Variants in FBRSL1 observed in about 807,000 individuals in gnomAD.
FBRSL1 encodes the protein fibrosin-1-like protein.
In FBRSL1, 51 loss-of-function variants were observed where a neutral mutation model predicts 89.6. That is an observed-to-expected ratio of 0.57 (90% CI 0.45 to 0.72). FBRSL1 has a LOEUF of 0.72. Among genes scored for constraint, FBRSL1 ranks in the 30% least tolerant of loss-of-function variants. The probability of loss-of-function intolerance (pLI) is 0.00; values close to 1 mark genes in which losing one functional copy is unlikely to be tolerated. For synonymous variants in FBRSL1, 779 were observed against 681.1 expected (o/e 1.14, Z -2.24); for missense variants, 1,618 against 1,451.8 (o/e 1.11, Z -1.86).
intron 2 of FBRSL1, chr12:132,511,343 C>T (rs2034317366): frequency 1.0e-6 from 1 of 985,674 alleles, no homozygotes; most frequent in Non-Finnish European, 1.2e-6. Context: ...GGCTGTTGAC[C>T]TACATGTGGT....
In FBRSL1 at chr12:132,581,802, G is replaced by A; in HGVS notation, c.1974G>A (p.Gly658=). 6.5e-7 allele frequency: 1 copy of A among 1,548,780 alleles called. No individual in the cohort carries two copies. ...GCAGCCTGAGCAGCCACGCCTTTGG[G>A]GGCCTGGGCAGCCATGCACTGGGTG... is the stretch of plus-strand genomic sequence containing the variant. ...GLGSLSSHAF[G]GLGSHALAPG... Residue 658 remains glycine (G), a synonymous_variant, in exon 17 of 19, where the codon GGG becomes GGA. Transcript: ENST00000680143.
intron 4 of FBRSL1, among the ~76,000 whole-genome samples, chr12:132,535,239 C>T (rs907587963): frequency 4.6e-5 from 7 of 152,192 alleles, no homozygotes; most frequent in Non-Finnish European, 8.8e-5. Context: ...TTAATACGGT[C>T]GGCTCCAAGA....
intron 4 of FBRSL1, among the ~76,000 whole-genome samples, chr12:132,531,000 G>C (rs1041242947): frequency 6.6e-6 from 1 of 150,772 alleles, no homozygotes; most frequent in Non-Finnish European, 1.5e-5. Context: ...AGTGTGGGGG[G>C]GGGGGTGCAG....
intron 1 of FBRSL1, among the ~76,000 whole-genome samples, chr12:132,498,765 G>C (rs2032481203): frequency 6.6e-6 from 1 of 152,236 alleles, no homozygotes; most frequent in Admixed American, 6.5e-5. Flanking sequence ...TTCTAGGGGA[G>C]GGAGGTCAGA....
intron 1 of FBRSL1, among the ~76,000 whole-genome samples, chr12:132,504,255 C>T (rs2033391361): frequency 6.6e-6 from 1 of 152,094 alleles, no homozygotes; most frequent in African/African-American, 2.4e-5. Context: ...GGCAGCAGGG[C>T]TCTGTGTGTG....
chr12:132,545,491 C>T (rs550285741), intron 4 of FBRSL1, among the ~76,000 whole-genome samples: 7 of 152,356 alleles, frequency 4.6e-5, no homozygotes, highest in African/African-American at 1.4e-4. Flanking sequence ...ATCCATGCAG[C>T]GTCCTCTGGT....
chr12:132,527,718 T>G (rs1593351272), intron 3 of FBRSL1, among the ~76,000 whole-genome samples: 3 of 79,072 alleles, frequency 3.8e-5, no homozygotes, highest in Admixed American at 1.4e-4. Context: ...GGGGCAGGGT[T>G]GTGGGCTGCG....
intron 4 of FBRSL1, among the ~76,000 whole-genome samples, chr12:132,539,171 T>C (rs1000210856): frequency 3.3e-5 from 5 of 152,048 alleles, no homozygotes; most frequent in Admixed American, 1.3e-4. Context: ...GGCAGCTCTT[T>C]CCAGGCGCCT....
chr12:132,550,550 C>T (rs1345150806), intron 5 of FBRSL1, among the ~76,000 whole-genome samples: 5 of 152,236 alleles, frequency 3.3e-5, no homozygotes, highest in South Asian at 2.1e-4. Context: ...CTTGTTGGCC[C>T]GTCAGCCTGT....
At position 132,574,818 on chromosome 12, in the gene FBRSL1, G is replaced by T. The variant is rs12309095; in HGVS notation, c.1701+254G>T. On this transcript the variant is annotated intron_variant, in intron 14 of 18. Transcript: ENST00000680143. ...CAAGGTGTGCCGGCTGGGCCACGGG[G>T]AGCAGAGCAGGGGCACGGGGTGCCG... is the stretch of plus-strand genomic sequence containing the variant. Among the ~76,000 whole-genome samples, 1,390 of 152,264 alleles carry T rather than the reference G, an allele frequency of 9.1e-3. 18 individuals carry two copies. The highest frequency in any genetic ancestry group is 0.032 in the African/African-American group (1,341 of 41,572).
intron 2 of FBRSL1, among the ~76,000 whole-genome samples, chr12:132,524,056 C>CCGTG (rs1817259941): frequency 6.6e-6 from 1 of 152,230 alleles, no homozygotes; most frequent in African/African-American, 2.4e-5. Flanking sequence ...GCTGCACAGG[C>CCGTG]CGTGCCTCCA....
rs1490311586 is a variant in FBRSL1, at chr12:132,570,014, C to T, written c.780C>T (p.Ser260=). ...GCAGCCGCGAGCTCAGCGCCGAGAG[C>T]TTCCTGCCCACTGCCAGCCCCGCGC... ...LERSRELSAE[S]FLPTASPAPH... Residue 260 remains serine (S), a synonymous_variant, in exon 7 of 19, where the codon AGC becomes AGT. Coordinates refer to ENST00000680143, the MANE Select transcript of FBRSL1 (RefSeq NM_001367871.1). The T allele has an allele frequency of 6.6e-7, 1 of 1,513,184 alleles. No individual in the cohort carries two copies. Among genetic ancestry groups the T allele is most frequent in the South Asian group, 1.2e-5 (1 of 81,150 alleles). The allele number at this position is 1,513,184 out of a possible 1,614,324, so 93.7% of individuals were successfully genotyped here. A position where few individuals can be genotyped will look rare whatever the true frequency, so the allele number is the denominator to read the frequency against.
At position 132,569,970 on chromosome 12, in the gene FBRSL1, A is replaced by G. The variant is rs1385360353; in HGVS notation, c.736A>G (p.Lys246Glu). Residue 246 changes from lysine to glutamate, a missense_variant, in exon 7 of 19, where the codon AAG (lysine) becomes GAG (glutamate). By Grantham distance (56) the Lys-to-Glu change is moderately conservative (BLOSUM62 1). Transcript: ENST00000680143. Reference sequence around the variant, plus strand: ...GGAGGCCAAGGCCGGGCCGGTGCCCAAGGTGTCAGGCCTGGAGCGCAGCCG... The same window carrying G: ...GGAGGCCAAGGCCGGGCCGGTGCCCGAGGTGTCAGGCCTGGAGCGCAGCCG... ...KSEAKAGPVP[K>E]VSGLERSREL... is the part of the protein sequence containing the mutation. The G allele has an allele frequency of 1.4e-6, 2 of 1,453,998 alleles. No individual in the cohort carries two copies. The highest frequency in any genetic ancestry group is 2.8e-5 in the Admixed American group (1 of 36,226). The allele number at this position is 1,453,998 out of a possible 1,614,324, so 90.1% of individuals were successfully genotyped here.
At chr12:132,566,851 G>C (rs1682081151) in intron 5 of FBRSL1, among the ~76,000 whole-genome samples, 1 of 152,100 alleles carries the variant, frequency 6.6e-6, no homozygotes, top group African/African-American at 2.4e-5. Flanking sequence ...AGTGTCCTGT[G>C]GGTGCTGGGA....
chr12:132,581,367 G>C, intron 15 of FBRSL1, 72 bp from the exon 16 acceptor site: 1 of 1,549,916 alleles, frequency 6.5e-7, no homozygotes, highest in Non-Finnish European at 8.7e-7. Flanking sequence ...GGTGCTCCCT[G>C]TGAACAGAGC....
At chr12:132,562,031 C>G (rs78599680) in intron 5 of FBRSL1, among the ~76,000 whole-genome samples, 10,937 of 152,204 alleles carry the variant, frequency 0.072, 702 homozygotes, top group African/African-American at 0.17. Context: ...AAAGGCTGGT[C>G]TGGACTCCTC....
At chr12:132,551,212 G>A (rs1593452709) in intron 5 of FBRSL1, 2 of 359,598 alleles carry the variant, frequency 5.6e-6, no homozygotes, top group East Asian at 1.5e-4. Context: ...GCAGCCCCGG[G>A]CTTGTGTGGA....
In FBRSL1 at chr12:132,583,118, G is replaced by A; in HGVS notation, c.2349G>A (p.Lys783=). Residue 783 remains lysine (K), a synonymous_variant, in exon 19 of 19, where the codon AAG becomes AAA. Transcript: ENST00000680143. Reference sequence around the variant, plus strand: ...AGCGCGAGGCCGAACCTCGGGTCAAGGAGAGCCGCTCCCCGGCCAAGGAGG... The same window carrying A: ...AGCGCGAGGCCGAACCTCGGGTCAAAGAGAGCCGCTCCCCGGCCAAGGAGG... The part of the protein sequence containing the change: ...PAEREAEPRV[K]ESRSPAKEEA... The A allele has an allele frequency of 6.9e-7, 1 of 1,459,716 alleles. No homozygotes were observed. Among genetic ancestry groups the A allele is most frequent in the Non-Finnish European group, 9.0e-7 (1 of 1,109,796 alleles). 90.4% of individuals were successfully genotyped at this position (1,459,716 alleles called of 1,614,324 possible). A position where few individuals can be genotyped will look rare whatever the true frequency, so the allele number is the denominator to read the frequency against.
intron 1 of FBRSL1, 100 bp from the exon 2 acceptor site, chr12:132,508,052 GT>G (rs1405763282): frequency 8.3e-7 from 1 of 1,204,396 alleles, no homozygotes; most frequent in Non-Finnish European, 1.1e-6. Context: ...CCCCTCCCAA[GT>G]GGGGAGGCTC....
Sources: gnomAD v4.1 joint callset for allele counts (sites outside exome capture counted in the v4.1 genomes callset) on GRCh38, gnomAD v4.1.1 for gene constraint, MANE v1.5 for transcripts, NCBI Gene and HGNC (gene_info 2026-07-23, HGNC 2026-07-21) for gene names.